The following PRKD1 variants were observed in gnomAD, a reference collection of about 807,000 sequenced individuals.
PRKD1 encodes the protein serine/threonine-protein kinase D1.
In PRKD1, 63 loss-of-function variants were observed where a neutral mutation model predicts 95.9. That is an observed-to-expected ratio of 0.66 (90% CI 0.54 to 0.81). The LOEUF (loss-of-function observed/expected upper bound fraction) is 0.81, where lower values mean the gene tolerates loss of function less well. Ranked by LOEUF, PRKD1 falls within the 30% of genes least tolerant of loss-of-function variation. The pLI is 0.00. For synonymous variants in PRKD1, 425 were observed against 423.1 expected (o/e 1.00, Z -0.05); for missense variants, 1,048 against 1,165.3 (o/e 0.90, Z 1.47).
intron 2 of PRKD1, among the ~76,000 whole-genome samples, chr14:29,703,634 A>C (rs1884944005): frequency 2.0e-5 from 3 of 152,214 alleles, no homozygotes; most frequent in Non-Finnish European, 2.9e-5. Flanking sequence ...GTAGGTATAA[A>C]GGAAGATGAT....
At chr14:29,749,446 G>T (rs1396553939) in intron 1 of PRKD1, among the ~76,000 whole-genome samples, 1 of 152,150 alleles carries the variant, frequency 6.6e-6, no homozygotes, top group Non-Finnish European at 1.5e-5. Context: ...GCACACAGGG[G>T]TCACTCTTCC....
chr14:29,734,522 G>C (rs1476001944), intron 1 of PRKD1, among the ~76,000 whole-genome samples: 1 of 152,116 alleles, frequency 6.6e-6, no homozygotes, highest in Non-Finnish European at 1.5e-5. Flanking sequence ...CTCTATAGCA[G>C]TCTTTGTTCT....
At chr14:29,684,143 G>GTTTTTTTTTTTTTTT (rs11285857) in intron 2 of PRKD1, among the ~76,000 whole-genome samples, 1 of 135,792 alleles carries the variant, frequency 7.4e-6, no homozygotes, top group Non-Finnish European at 1.6e-5. Flanking sequence ...CTTTAGAATG[G>GTTTTTTTTTTTTTTT]TTTTTTTTTT....
chr14:29,888,841 T>C (rs1162912445), intron 1 of PRKD1, among the ~76,000 whole-genome samples: 1 of 152,228 alleles, frequency 6.6e-6, no homozygotes, highest in African/African-American at 2.4e-5. Flanking sequence ...TTCACCCTTA[T>C]TTCTAAATTG....
At position 29,599,010 on chromosome 14, in the gene PRKD1, G is replaced by C. The variant is rs1893413982; in HGVS notation, c.2166+17C>G. 1.3e-6 allele frequency: 2 copies of C among 1,597,764 alleles called. No homozygotes were observed. Among genetic ancestry groups the C allele is most frequent in the East Asian group, 2.2e-5 (1 of 44,748 alleles). On this transcript the variant is annotated intron_variant, in intron 15 of 17. Transcript: ENST00000331968. Reference sequence around the variant, plus strand: ...GCTTCCAACTGGCTTTTTGCTGAGAGAGGCTTTTATACTTGCCTGAGGAAA... The same window carrying C: ...GCTTCCAACTGGCTTTTTGCTGAGACAGGCTTTTATACTTGCCTGAGGAAA...
At chr14:29,808,283 A>T (rs1258342527) in intron 1 of PRKD1, among the ~76,000 whole-genome samples, 1 of 145,916 alleles carries the variant, frequency 6.9e-6, no homozygotes, top group Non-Finnish European at 1.5e-5. Flanking sequence ...AAAAGAAATG[A>T]CTTTATTTGT....
chr14:29,653,299 T>C (rs1881625585), intron 4 of PRKD1, among the ~76,000 whole-genome samples: 1 of 152,180 alleles, frequency 6.6e-6, no homozygotes, highest in Non-Finnish European at 1.5e-5. Flanking sequence ...TAAGGTGGCC[T>C]GAATGTTAAG....
intron 1 of PRKD1, among the ~76,000 whole-genome samples, chr14:29,895,367 T>C (rs1399112398): frequency 6.6e-6 from 1 of 151,990 alleles, no homozygotes; most frequent in African/African-American, 2.4e-5. Context: ...ATTTAATGGA[T>C]TTTTCTCCCC....
rs45582934 is a variant in PRKD1 at position 29,577,305 on chromosome 14, T to C, written c.2672A>G (p.His891Arg). The change falls in exon 18 of 18, where the codon CAC (histidine) becomes CGC (arginine). Residue 891 changes from histidine to arginine, a missense_variant. His to Arg is a conservative substitution (Grantham distance 29). Coordinates refer to ENST00000331968, the MANE Select transcript of PRKD1 (RefSeq NM_002742.3). ...PTHLINPSAS[H>R]SDTPETEETE... ...TTCTTCAGTCTCAGGAGTGTCACTG[T>C]GGCTAGCACTTGGATTGATCAGGTG... 17,250 of 1,613,844 alleles carry C rather than the reference T, an allele frequency of 0.011. 144 individuals carry two copies. Among genetic ancestry groups the C allele is most frequent in the Middle Eastern group, 0.021 (126 of 6,044 alleles).
chr14:29,867,003 C>T (rs972822162), intron 1 of PRKD1, among the ~76,000 whole-genome samples: 3 of 152,134 alleles, frequency 2.0e-5, no homozygotes, highest in Non-Finnish European at 4.4e-5. Flanking sequence ...TAGTCTCACC[C>T]CCAAAATTGT....
intron 2 of PRKD1, among the ~76,000 whole-genome samples, chr14:29,702,879 G>C (rs1467083024): frequency 2.6e-5 from 4 of 152,008 alleles, no homozygotes; most frequent in Non-Finnish European, 5.9e-5. Flanking sequence ...TTTCAAATTA[G>C]CTGTAATTTC....
At chr14:29,609,400 A>G (rs927239017) in intron 13 of PRKD1, among the ~76,000 whole-genome samples, 3 of 151,876 alleles carry the variant, frequency 2.0e-5, no homozygotes, top group Admixed American at 2.0e-4. Context: ...TGTGCATTCT[A>G]TTAAGTAAAA....
intron 2 of PRKD1, among the ~76,000 whole-genome samples, chr14:29,667,773 T>C (rs1467864729): frequency 6.6e-6 from 1 of 152,188 alleles, no homozygotes; most frequent in African/African-American, 2.4e-5. Context: ...CAACGATTAG[T>C]TGAATAATTA....
At chr14:29,813,349 T>C (rs1303308998) in intron 1 of PRKD1, among the ~76,000 whole-genome samples, 1 of 152,188 alleles carries the variant, frequency 6.6e-6, no homozygotes, top group Non-Finnish European at 1.5e-5. Flanking sequence ...TTGATGCTGG[T>C]ACAGTTACTT....
At chr14:29,579,450 A>T (rs1295552610) in intron 16 of PRKD1, among the ~76,000 whole-genome samples, 1 of 152,102 alleles carries the variant, frequency 6.6e-6, no homozygotes, top group Non-Finnish European at 1.5e-5. Flanking sequence ...CAAAAATCTT[A>T]ATCAAACAGG....
rs192091332 is a variant in PRKD1, at chr14:29,732,069, C to T, written c.265-6395G>A. 4.5e-3 allele frequency among the ~76,000 whole-genome samples: 687 copies of T among 152,088 alleles called. 7 individuals carry two copies. Among genetic ancestry groups the T allele is most frequent in the African/African-American group, 0.015 (630 of 41,472 alleles). On this transcript the variant is annotated intron_variant, in intron 1 of 17. Transcript: ENST00000331968. ...TGTATTTTTAGTAGAGATGGGGTTT[C>T]TCCATGTTGGCCAGGCTGGTCTCGA...
chr14:29,734,702 C>G (rs1886633724), intron 1 of PRKD1, among the ~76,000 whole-genome samples: 1 of 152,198 alleles, frequency 6.6e-6, no homozygotes, highest in African/African-American at 2.4e-5. Context: ...GCTCTTTCTC[C>G]TGCTTTAGAG....
chr14:29,741,339 T>G (rs1594475463), intron 1 of PRKD1, among the ~76,000 whole-genome samples: 1 of 152,320 alleles, frequency 6.6e-6, no homozygotes, highest in South Asian at 2.1e-4. Context: ...TCAATCATAT[T>G]TCTATATTTT....
chr14:29,628,505 G>C (rs1309966571), intron 11 of PRKD1, among the ~76,000 whole-genome samples: 1 of 152,122 alleles, frequency 6.6e-6, no homozygotes, highest in Non-Finnish European at 1.5e-5. Context: ...TGCAAGGATG[G>C]AGTTACGTGG....
Sources: allele counts gnomAD v4.1 joint callset (sites outside exome capture counted in the v4.1 genomes callset), GRCh38; gene constraint gnomAD v4.1.1; transcripts MANE v1.5; gene names NCBI Gene and HGNC (gene_info 2026-07-23, HGNC 2026-07-21).